The following PIP5K1B variants were observed in gnomAD, a reference collection of about 807,000 sequenced individuals.
PIP5K1B encodes phosphatidylinositol-4-phosphate 5-kinase type 1 beta.
In PIP5K1B, 42 loss-of-function variants were observed where a neutral mutation model predicts 67.0. That is an observed-to-expected ratio of 0.63 (90% CI 0.49 to 0.81). The LOEUF is 0.81. Among genes scored for constraint, PIP5K1B ranks in the 30% least tolerant of loss-of-function variants. PIP5K1B has a pLI of 0.00. For missense variants in PIP5K1B, 459 were observed against 646.3 expected (o/e 0.71, Z 3.14); for synonymous variants, 214 against 231.4 (o/e 0.92, Z 0.68).
At chr9:68,954,314 T>G (rs1326017054) in intron 14 of PIP5K1B, among the ~76,000 whole-genome samples, 1 of 152,148 alleles carries the variant, frequency 6.6e-6, no homozygotes, top group Non-Finnish European at 1.5e-5. Context: ...CCCTTTATTG[T>G]AGTGTAGAGG....
intron 2 of PIP5K1B, chr9:68,789,095 G>A: frequency 1.8e-6 from 1 of 545,292 alleles, no homozygotes. Context: ...TATCAATAAT[G>A]GCATCAATCT....
intron 12 of PIP5K1B, among the ~76,000 whole-genome samples, chr9:68,926,957 C>A (rs958017272): frequency 5.3e-5 from 8 of 152,178 alleles, no homozygotes; most frequent in Non-Finnish European, 8.8e-5. Context: ...CTCTTCCCAG[C>A]CCCTGGCAAC....
intron 4 of PIP5K1B, among the ~76,000 whole-genome samples, chr9:68,837,520 G>A (rs1834677283): frequency 1.3e-5 from 2 of 150,598 alleles, no homozygotes; most frequent in African/African-American, 4.9e-5. Flanking sequence ...TGTCTGATTT[G>A]TAAGCACTAA....
At chr9:69,008,392 G>A in intron 15 of PIP5K1B, 55 bp from the exon 16 acceptor site, 2 of 1,568,854 alleles carry the variant, frequency 1.3e-6, no homozygotes, top group South Asian at 2.2e-5. Context: ...CATGGGGAGA[G>A]GTTACAAATT....
chr9:68,984,432 C>CA (rs1830016046), intron 14 of PIP5K1B, among the ~76,000 whole-genome samples: 1 of 152,120 alleles, frequency 6.6e-6, no homozygotes, highest in Non-Finnish European at 1.5e-5. Context: ...ATGAGGATAA[C>CA]AAATAGAAAG....
Position 68,983,810 on chromosome 9 carries a change from C to T in PIP5K1B, c.1503-7330C>T, listed in dbSNP as rs185638565. 8.5e-5 allele frequency among the ~76,000 whole-genome samples: 13 copies of T among 152,304 alleles called. 1 individual carries two copies. The highest frequency in any genetic ancestry group is 6.8e-3 in the Middle Eastern group (2 of 292). Reference sequence around the variant, plus strand: ...ATCGGCAGGCAGCCAGACTCTTAAACTCTTGGCCTTTGGGATGATAACTTG... The same window carrying T: ...ATCGGCAGGCAGCCAGACTCTTAAATTCTTGGCCTTTGGGATGATAACTTG... On this transcript the variant is annotated intron_variant, in intron 14 of 15. Coordinates refer to ENST00000265382, the MANE Select transcript of PIP5K1B (RefSeq NM_003558.4).
chr9:68,943,712 A>G (rs1390725808), intron 14 of PIP5K1B, among the ~76,000 whole-genome samples: 1 of 152,182 alleles, frequency 6.6e-6, no homozygotes, highest in Non-Finnish European at 1.5e-5. Context: ...GTTATAATTT[A>G]CATGTGAGAT....
chr9:68,765,842 T>C (rs551092405), intron 2 of PIP5K1B, among the ~76,000 whole-genome samples: 1 of 152,282 alleles, frequency 6.6e-6, no homozygotes, highest in Admixed American at 6.5e-5. Flanking sequence ...GGAATGACAA[T>C]TGATGTAGAC....
intron 8 of PIP5K1B, among the ~76,000 whole-genome samples, chr9:68,896,502 T>A (rs1300547079): frequency 6.6e-6 from 1 of 152,270 alleles, no homozygotes; most frequent in Non-Finnish European, 1.5e-5. Flanking sequence ...TTTTATTCTT[T>A]GGCAGGTTTG....
At chr9:68,926,606 C>G (rs1344553985) in intron 12 of PIP5K1B, among the ~76,000 whole-genome samples, 2 of 152,122 alleles carry the variant, frequency 1.3e-5, no homozygotes, top group Non-Finnish European at 2.9e-5. Flanking sequence ...GTGCCTCACT[C>G]TGTCGCCCAG....
chr9:68,908,499 C>T (rs1248821485), intron 8 of PIP5K1B, among the ~76,000 whole-genome samples: 1 of 151,054 alleles, frequency 6.6e-6, no homozygotes, highest in East Asian at 1.9e-4. Flanking sequence ...TCACGGCATA[C>T]ACACCATGAA....
intron 2 of PIP5K1B, among the ~76,000 whole-genome samples, chr9:68,792,073 C>T (rs879536104): frequency 6.6e-6 from 1 of 152,252 alleles, no homozygotes; most frequent in African/African-American, 2.4e-5. Flanking sequence ...TGGCCCCTGC[C>T]TCTACAACCA....
chr9:68,899,214 A>T (rs776730464), intron 8 of PIP5K1B, among the ~76,000 whole-genome samples: 1 of 151,806 alleles, frequency 6.6e-6, no homozygotes, highest in South Asian at 2.1e-4. Flanking sequence ...CCTGGCCCTC[A>T]CCTGCTCGTC....
At chr9:68,748,200 T>C (rs1315005619) in intron 2 of PIP5K1B, among the ~76,000 whole-genome samples, 4 of 152,244 alleles carry the variant, frequency 2.6e-5, no homozygotes, top group African/African-American at 9.6e-5. Context: ...TTCATCCACG[T>C]TGTGACTTGA....
chr9:68,715,064 A>G (rs1408886893), intron 1 of PIP5K1B, among the ~76,000 whole-genome samples: 1 of 152,238 alleles, frequency 6.6e-6, no homozygotes, highest in East Asian at 1.9e-4. Context: ...CTGACTGTTG[A>G]CTGTGGCTTA....
intron 2 of PIP5K1B, among the ~76,000 whole-genome samples, chr9:68,812,927 TAAAAG>T (rs1209243737): frequency 1.3e-5 from 2 of 152,206 alleles, no homozygotes; most frequent in Non-Finnish European, 1.5e-5. Flanking sequence ...TGAACAATGT[TAAAAG>T]AGAAGACCCT....
At chr9:68,771,468 T>C (rs1830667535) in intron 2 of PIP5K1B, among the ~76,000 whole-genome samples, 3 of 152,134 alleles carry the variant, frequency 2.0e-5, no homozygotes, top group Admixed American at 6.5e-5. Context: ...TGTGTGTCAA[T>C]AGGGAGTGAT....
intron 2 of PIP5K1B, chr9:68,789,518 G>T (rs919994689): frequency 1.9e-6 from 1 of 519,054 alleles, no homozygotes; most frequent in Middle Eastern, 3.2e-4. Context: ...AGTGGTGAGG[G>T]GTAGGGATAA....
At chr9:68,889,541 T>C in intron 7 of PIP5K1B, among the ~76,000 whole-genome samples, 1 of 151,890 alleles carries the variant, frequency 6.6e-6, no homozygotes, top group South Asian at 2.1e-4. Context: ...AAGACCATCC[T>C]GGCTAACACA....
Sources: gnomAD v4.1 joint callset for allele counts (sites outside exome capture counted in the v4.1 genomes callset) on GRCh38, gnomAD v4.1.1 for gene constraint, MANE v1.5 for transcripts, NCBI Gene and HGNC (gene_info 2026-07-23, HGNC 2026-07-21) for gene names.